Variants in EEF1E1 observed in about 807,000 individuals in gnomAD.
The protein encoded by EEF1E1 is eukaryotic translation elongation factor 1 epsilon 1, also known as eukaryotic translation elongation factor 1 epsilon-1.
Under a neutral mutation model 19.9 loss-of-function variants are expected in EEF1E1, and 19 were observed. That is an observed-to-expected ratio of 0.95 (90% CI 0.66 to 1.40). The LOEUF (loss-of-function observed/expected upper bound fraction) is 1.40. Ranked by LOEUF, EEF1E1 falls within the 40% of genes most tolerant of loss-of-function variation. The probability of loss-of-function intolerance (pLI) is 0.00; values close to 1 mark genes in which losing one functional copy is unlikely to be tolerated. For missense variants in EEF1E1, 198 were observed against 202.2 expected (o/e 0.98, Z 0.13); for synonymous variants, 81 against 80.0 (o/e 1.01, Z -0.07).
chr6:8,082,112 A>G lies in EEF1E1; in HGVS notation c.385-2082T>C, dbSNP rs927344754. Among the ~76,000 whole-genome samples, 17 of 152,322 alleles carry G rather than the reference A, an allele frequency of 1.1e-4. No individual in the cohort carries two copies. In the East Asian group the frequency reaches 2.7e-3, roughly 24 times the overall value. On this transcript the variant is annotated intron_variant, in intron 3 of 3. Transcript: ENST00000379715. ...TTGCTTACAGGCCTATTATTTAAAG[A>G]AATACTAACATACAGAACACAGCAA...
Position 8,073,945 on chromosome 6 carries a change from T to G in EEF1E1, c.385-435A>C, listed in dbSNP as rs192171013. 1.5e-3 allele frequency among the ~76,000 whole-genome samples: 232 copies of G among 152,294 alleles called. 2 individuals are homozygous for G. The highest frequency in any genetic ancestry group is 5.2e-3 in the East Asian group (27 of 5,180). On this transcript the variant is annotated intron_variant, in intron 3 of 3. Transcript: ENST00000429723. ...GAGCAGAGCTTTATTCTGGGTGCCCTCCGACTACACATCTGGCCTCCTCCC... is the reference window on the plus strand; with the variant it reads ...GAGCAGAGCTTTATTCTGGGTGCCCGCCGACTACACATCTGGCCTCCTCCC...
chr6:8,099,167 A>G (rs1285086254), intron 1 of EEF1E1, among the ~76,000 whole-genome samples: 1 of 152,240 alleles, frequency 6.6e-6, no homozygotes, highest in Non-Finnish European at 1.5e-5. Flanking sequence ...CAAAGTAATG[A>G]CTTTTAATGG....
intron 1 of EEF1E1, 53 bp downstream of exon 1, chr6:8,102,382 G>T: frequency 6.4e-7 from 1 of 1,557,920 alleles, no homozygotes. Context: ...CCAGGGCTCG[G>T]CAGGCCCCGC....
At chr6:8,089,696 G>A (rs778673609) in intron 3 of EEF1E1, among the ~76,000 whole-genome samples, 63 of 152,142 alleles carry the variant, frequency 4.1e-4, no homozygotes, top group Non-Finnish European at 6.2e-4. Context: ...AATACTTTGC[G>A]TCTTCAATAC....
chr6:8,101,238 AAAAAAATATATATATATATATATAT>A (rs1319406483), intron 1 of EEF1E1, among the ~76,000 whole-genome samples: 3 of 74,804 alleles, frequency 4.0e-5, no homozygotes, highest in South Asian at 1.1e-3. Context: ...AAAAAAAAAA[AAAAAAATATATATATATATATATAT>A]ATATATATAT....
downstream of EEF1E1, among the ~76,000 whole-genome samples, chr6:8,078,117 G>A (rs764820627): frequency 3.3e-5 from 5 of 152,188 alleles, no homozygotes; most frequent in African/African-American, 4.8e-5. Flanking sequence ...TTGCATTCAA[G>A]TTGGCTGTTT....
At chr6:8,075,185 A>G (rs1176743686), downstream of EEF1E1, among the ~76,000 whole-genome samples, 5 of 152,220 alleles carry the variant, frequency 3.3e-5, no homozygotes, top group African/African-American at 1.2e-4. Context: ...AAAGGTACAC[A>G]GACTTGACCT....
chr6:8,091,673 T>C (rs1170811877), intron 2 of EEF1E1, among the ~76,000 whole-genome samples: 2 of 152,220 alleles, frequency 1.3e-5, no homozygotes, highest in Non-Finnish European at 1.5e-5. Flanking sequence ...AACAGGAATT[T>C]ACATTGAATT....
chr6:8,097,290 T>G lies in EEF1E1; in HGVS notation c.265A>C (p.Asn89His). The change falls in exon 2 of 4, where the codon AAT becomes CAT. Residue 89 changes from asparagine to histidine, a missense_variant. Transcript: ENST00000379715. ...ACCTTCAACAGTGTGTGGATGTCAT[T>G]TTTACTGGAGTGCCCATCTACTTGA... is the stretch of plus-strand genomic sequence containing the variant. ...VTQVDGHSSK[N>H]DIHTLLKDLN... 1 of 1,614,178 alleles carries G rather than the reference T, an allele frequency of 6.2e-7. No homozygotes were observed. Among genetic ancestry groups the G allele is most frequent in the Non-Finnish European group, 8.5e-7 (1 of 1,180,028 alleles).
At chr6:8,081,553 T>A (rs1290245874) in intron 3 of EEF1E1, among the ~76,000 whole-genome samples, 1 of 152,232 alleles carries the variant, frequency 6.6e-6, no homozygotes, top group Non-Finnish European at 1.5e-5. Flanking sequence ...AGCATCAGTC[T>A]ATATTTCAAA....
chr6:8,078,837 ATCTTTT>A, downstream of EEF1E1: 1 of 1,134,626 alleles, frequency 8.8e-7, no homozygotes, highest in Non-Finnish European at 1.1e-6. Flanking sequence ...ATTTAGCATT[ATCTTTT>A]TATTTTTAGA....
intron 2 of EEF1E1, among the ~76,000 whole-genome samples, 189 bp downstream of exon 2, chr6:8,097,078 G>A (rs1422087865): frequency 6.6e-6 from 1 of 152,200 alleles, no homozygotes; most frequent in East Asian, 1.9e-4. Context: ...AGTTTCCAAG[G>A]CAGCATATCT....
chr6:8,079,369 A>G, downstream of EEF1E1: 1 of 983,466 alleles, frequency 1.0e-6, no homozygotes, highest in Non-Finnish European at 1.2e-6. Flanking sequence ...AGTACTGACT[A>G]CAGAAAGAAA....
At chr6:8,081,875 CTCTT>C (rs1357014497) in intron 3 of EEF1E1, among the ~76,000 whole-genome samples, 16 of 152,164 alleles carry the variant, frequency 1.1e-4, no homozygotes, top group Non-Finnish European at 1.9e-4. Flanking sequence ...CAAATCTGAC[CTCTT>C]TCTTACCATT....
In EEF1E1 at chr6:8,079,749, C is replaced by T. The variant is rs979060198; in HGVS notation, c.*141G>A. The T allele has an allele frequency of 2.4e-4, 312 of 1,300,506 alleles. 1 individual carries two copies. Among genetic ancestry groups the T allele is most frequent in the Non-Finnish European group, 2.9e-4 (296 of 1,021,262 alleles). The allele number at this position is 1,300,506 out of a possible 1,614,324, so 80.6% of individuals were successfully genotyped here. A position where few individuals can be genotyped will look rare whatever the true frequency, so the allele number is the denominator to read the frequency against. On this transcript the variant is annotated 3_prime_UTR_variant, in exon 4 of 4. Coordinates refer to ENST00000379715, the MANE Select transcript of EEF1E1 (RefSeq NM_004280.5). The stretch of plus-strand genomic sequence containing the variant: ...CTAAAGAACAAATAAAACATTCAGA[C>T]ACAAGTTTACACTTCAAAAATTCTA...
chr6:8,091,575 G>A (rs1157753717), intron 2 of EEF1E1, among the ~76,000 whole-genome samples: 1 of 152,090 alleles, frequency 6.6e-6, no homozygotes, highest in Non-Finnish European at 1.5e-5. Context: ...TTTTGTTAGA[G>A]GTATTTTCTG....
intron 1 of EEF1E1, among the ~76,000 whole-genome samples, chr6:8,099,806 A>G (rs1758291522): frequency 6.8e-6 from 1 of 146,502 alleles, no homozygotes; most frequent in African/African-American, 2.5e-5. Flanking sequence ...AAAAAACAGA[A>G]CCCTCTATAA....
intron 3 of EEF1E1, among the ~76,000 whole-genome samples, chr6:8,086,426 CAG>C (rs1209127242): frequency 6.6e-6 from 1 of 152,022 alleles, no homozygotes; most frequent in East Asian, 1.9e-4. Context: ...GAGGCTTTTT[CAG>C]AGGAGAAAAC....
chr6:8,079,339 T>C (rs1757670407), downstream of EEF1E1: 10 of 889,102 alleles, frequency 1.1e-5, no homozygotes, highest in Admixed American at 6.2e-5. Context: ...GGCAGTTCAG[T>C]AGTTAGTTTC....
Sources: allele counts gnomAD v4.1 joint callset (sites outside exome capture counted in the v4.1 genomes callset), GRCh38; gene constraint gnomAD v4.1.1; transcripts MANE v1.5; gene names NCBI Gene and HGNC (gene_info 2026-07-23, HGNC 2026-07-21).